The following RNF220 variants were observed in gnomAD, a reference collection of about 807,000 sequenced individuals.
RNF220 encodes the protein ring finger protein 220.
In RNF220, 7 loss-of-function variants were observed where a neutral mutation model predicts 67.1. The observed-to-expected ratio is 0.10, with a 90% CI of 0.06 to 0.20. RNF220 has a LOEUF of 0.20. Among genes scored for constraint, RNF220 ranks in the 10% least tolerant of loss-of-function variants. RNF220 has a pLI of 1.00. For synonymous variants in RNF220, 270 were observed against 283.2 expected, an observed-to-expected ratio of 0.95 and a Z score of 0.47; for missense variants, 565 against 740.3, an observed-to-expected ratio of 0.76 and a Z score of 2.75.
At chr1:44,578,289 C>T (rs1217150999) in intron 2 of RNF220, among the ~76,000 whole-genome samples, 1 of 151,690 alleles carries the variant, frequency 6.6e-6, no homozygotes, top group Admixed American at 6.6e-5. Context: ...GCTGGGATTA[C>T]AGGCGTGGGC....
intron 2 of RNF220, among the ~76,000 whole-genome samples, chr1:44,593,896 C>T (rs917146394): frequency 6.6e-6 from 1 of 151,604 alleles, no homozygotes. Context: ...ACCAGCCTGG[C>T]CAACATGGTG....
intron 2 of RNF220, among the ~76,000 whole-genome samples, chr1:44,580,281 A>T (rs758216820): frequency 2.7e-4 from 41 of 152,076 alleles, no homozygotes; most frequent in Non-Finnish European, 4.7e-4. Flanking sequence ...CCCTTTTCCC[A>T]CCATGACAAT....
intron 2 of RNF220, among the ~76,000 whole-genome samples, chr1:44,534,051 C>T (rs529587750): frequency 6.6e-6 from 1 of 152,322 alleles, no homozygotes; most frequent in African/African-American, 2.4e-5. Flanking sequence ...TCTCAACTTA[C>T]TATACCTTGG....
intron 2 of RNF220, among the ~76,000 whole-genome samples, chr1:44,463,969 G>A (rs551098323): frequency 6.6e-6 from 1 of 152,296 alleles, no homozygotes; most frequent in East Asian, 1.9e-4. Flanking sequence ...ATTCTAATCT[G>A]GTGATTCTTT....
chr1:44,536,041 T>C (rs1196281382), intron 2 of RNF220, among the ~76,000 whole-genome samples: 1 of 152,178 alleles, frequency 6.6e-6, no homozygotes, highest in Non-Finnish European at 1.5e-5. Context: ...TCTAATCTAA[T>C]AGAGTAAAAC....
intron 5 of RNF220, 118 bp downstream of exon 5, chr1:44,626,516 G>A (rs1643943259): frequency 2.6e-6 from 2 of 784,112 alleles, no homozygotes; most frequent in Admixed American, 4.3e-5. Context: ...CCTGAACTGG[G>A]TTTGGTTCCC....
chr1:44,557,626 TA>T (rs1663219948), intron 2 of RNF220, among the ~76,000 whole-genome samples: 1 of 152,214 alleles, frequency 6.6e-6, no homozygotes, highest in Non-Finnish European at 1.5e-5. Flanking sequence ...CTGTGTCTCA[TA>T]AATTTGTCCA....
chr1:44,481,099 A>G (rs1384046150), intron 2 of RNF220, among the ~76,000 whole-genome samples: 1 of 152,136 alleles, frequency 6.6e-6, no homozygotes, highest in Non-Finnish European at 1.5e-5. Context: ...CAGCAGATGT[A>G]GACAACACCT....
intron 2 of RNF220, among the ~76,000 whole-genome samples, chr1:44,496,440 G>T (rs1657353033): frequency 6.6e-6 from 1 of 152,150 alleles, no homozygotes; most frequent in African/African-American, 2.4e-5. Flanking sequence ...GAAATGCAAA[G>T]CCCTGCTCTG....
intron 2 of RNF220, among the ~76,000 whole-genome samples, chr1:44,514,039 A>G (rs896742019): frequency 3.3e-5 from 5 of 152,256 alleles, no homozygotes; most frequent in African/African-American, 9.6e-5. Flanking sequence ...TTTGGATTCA[A>G]TATATAGTCG....
chr1:44,590,235 G>T (rs1490864669), intron 2 of RNF220, among the ~76,000 whole-genome samples: 1 of 152,252 alleles, frequency 6.6e-6, no homozygotes, highest in Non-Finnish European at 1.5e-5. Context: ...CAGCCTTCCA[G>T]GCAATCACTC....
intron 2 of RNF220, among the ~76,000 whole-genome samples, chr1:44,475,418 A>G (rs1368093225): frequency 6.6e-6 from 1 of 151,904 alleles, no homozygotes; most frequent in African/African-American, 2.4e-5. Context: ...TAAAAATACA[A>G]AAATTAGCCG....
chr1:44,481,641 G>A (rs2148023547), intron 2 of RNF220, among the ~76,000 whole-genome samples: 2 of 152,202 alleles, frequency 1.3e-5, no homozygotes, highest in South Asian at 4.1e-4. Context: ...TTCTGTACAT[G>A]TATCCCTTTT....
intron 3 of RNF220, among the ~76,000 whole-genome samples, chr1:44,614,981 G>A (rs1233134245): frequency 6.6e-6 from 1 of 152,258 alleles, no homozygotes; most frequent in Non-Finnish European, 1.5e-5. Flanking sequence ...GATGGCTGAT[G>A]TCTGCTCCAT....
intron 2 of RNF220, among the ~76,000 whole-genome samples, chr1:44,438,371 C>T (rs1029067916): frequency 6.6e-5 from 10 of 152,186 alleles, no homozygotes; most frequent in Admixed American, 2.0e-4. Flanking sequence ...GATCTTCCTT[C>T]CTTGACCTCC....
intron 2 of RNF220, among the ~76,000 whole-genome samples, chr1:44,533,617 G>T (rs1423999615): frequency 3.9e-5 from 6 of 152,248 alleles, no homozygotes; most frequent in Admixed American, 3.9e-4. Flanking sequence ...GGACCACAAA[G>T]AATAAGACAC....
chr1:44,556,479 C>G (rs992863062), intron 2 of RNF220, among the ~76,000 whole-genome samples: 7 of 150,678 alleles, frequency 4.6e-5, no homozygotes, highest in African/African-American at 1.7e-4. Flanking sequence ...TAAACCTGCC[C>G]TCTTTTTAAT....
At chr1:44,640,640 C>T (rs753929853) in intron 8 of RNF220, among the ~76,000 whole-genome samples, 2 of 152,170 alleles carry the variant, frequency 1.3e-5, no homozygotes, top group East Asian at 3.8e-4. Context: ...GTTTGACACA[C>T]GCCAACTCCC....
In RNF220 at chr1:44,560,899, CCTGTA is replaced by C. The variant is rs1663520124; in HGVS notation, c.626-53264_626-53260del. Among the ~76,000 whole-genome samples, 6 of 139,056 alleles carry C rather than the reference CCTGTA, an allele frequency of 4.3e-5. No individual in the cohort carries two copies. The South Asian group carries it at 1.3e-3, about 30-fold the overall frequency. The allele number at this position is 139,056 out of a possible 152,430, so 91.2% of individuals were successfully genotyped here. ...TGCTGACCTCCTACTTCCTGCCAGGCCTGTACATGCACCACAACCTCAGTGAATGA... is the reference window on the plus strand; with the variant it reads ...TGCTGACCTCCTACTTCCTGCCAGGCCATGCACCACAACCTCAGTGAATGA... On this transcript the variant is annotated intron_variant, in intron 2 of 14. Coordinates refer to ENST00000361799, the MANE Select transcript of RNF220 (RefSeq NM_018150.4).
Sources: allele counts gnomAD v4.1 joint callset (sites outside exome capture counted in the v4.1 genomes callset), GRCh38; gene constraint gnomAD v4.1.1; transcripts MANE v1.5; gene names NCBI Gene and HGNC (gene_info 2026-07-23, HGNC 2026-07-21).